The following PTPRD variants were observed in gnomAD, a reference collection of about 807,000 sequenced individuals.
PTPRD encodes receptor-type tyrosine-protein phosphatase delta.
In PTPRD, 34 loss-of-function variants were observed where a neutral mutation model predicts 214.5. That is an observed-to-expected ratio of 0.16 (90% confidence interval 0.12 to 0.21). The LOEUF is 0.21. PTPRD is among the 10% of genes least tolerant of loss of function. The pLI, the probability that PTPRD is intolerant of heterozygous loss-of-function variation, is 1.00. For missense variants in PTPRD, 2,545 were observed against 2,398.7 expected, an observed-to-expected ratio of 1.06 and a Z score of -1.27; for synonymous variants, 1,128 against 845.7, an observed-to-expected ratio of 1.33 and a Z score of -5.79.
At chr9:8,679,482 G>A (rs766624378) in intron 12 of PTPRD, among the ~76,000 whole-genome samples, 1 of 152,042 alleles carries the variant, frequency 6.6e-6, no homozygotes, top group Non-Finnish European at 1.5e-5. Flanking sequence ...ACCACTTGCG[G>A]GTATCTATGA....
At chr9:8,550,610 G>A (rs565968405) in intron 14 of PTPRD, among the ~76,000 whole-genome samples, 54 of 152,248 alleles carry the variant, frequency 3.5e-4, no homozygotes, top group African/African-American at 1.2e-3. Context: ...GGAAAGAGTA[G>A]CAACAAATTA....
At chr9:8,963,379 T>C (rs1008692490) in intron 11 of PTPRD, among the ~76,000 whole-genome samples, 5 of 152,128 alleles carry the variant, frequency 3.3e-5, no homozygotes, top group African/African-American at 1.2e-4. Flanking sequence ...GGTGTTCACA[T>C]AGAGTTACTC....
chr9:9,854,416 G>A (rs909963443), intron 5 of PTPRD, among the ~76,000 whole-genome samples: 7 of 151,760 alleles, frequency 4.6e-5, no homozygotes, highest in African/African-American at 1.7e-4. Flanking sequence ...GTGAGGGTTG[G>A]GAAATATTTA....
intron 2 of PTPRD, among the ~76,000 whole-genome samples, chr9:10,570,850 G>A (rs2067198741): frequency 1.3e-5 from 2 of 151,680 alleles, no homozygotes; most frequent in Admixed American, 6.6e-5. Flanking sequence ...TATTACTGGA[G>A]GCACTCCCAG....
chr9:9,311,547 G>T (rs1959005572), intron 9 of PTPRD, among the ~76,000 whole-genome samples: 1 of 152,018 alleles, frequency 6.6e-6, no homozygotes, highest in Admixed American at 6.6e-5. Context: ...AACCCCTGTT[G>T]CAGAGAAAAT....
At chr9:10,477,262 C>G (rs1455288139) in intron 2 of PTPRD, among the ~76,000 whole-genome samples, 1 of 151,996 alleles carries the variant, frequency 6.6e-6, no homozygotes, top group Non-Finnish European at 1.5e-5. Context: ...CCAGAATCTA[C>G]AAGGAACTTA....
intron 8 of PTPRD, among the ~76,000 whole-genome samples, chr9:9,426,506 C>T (rs1029500012): frequency 3.3e-5 from 5 of 152,168 alleles, no homozygotes; most frequent in Non-Finnish European, 5.9e-5. Flanking sequence ...ACAAAAGGAG[C>T]AGAAACTTCT....
chr9:9,726,272 C>G (rs2098089260), intron 7 of PTPRD, among the ~76,000 whole-genome samples: 1 of 152,210 alleles, frequency 6.6e-6, no homozygotes, highest in Admixed American at 6.5e-5. Flanking sequence ...GGCATGCACA[C>G]ATTCCAAGCA....
chr9:10,382,060 T>C (rs2097837371), intron 2 of PTPRD, among the ~76,000 whole-genome samples: 1 of 151,906 alleles, frequency 6.6e-6, no homozygotes, highest in East Asian at 1.9e-4. Flanking sequence ...ATCCAGTAAG[T>C]CGTCTAATGT....
At chr9:9,128,360 T>C (rs920460591) in intron 10 of PTPRD, among the ~76,000 whole-genome samples, 2 of 152,202 alleles carry the variant, frequency 1.3e-5, no homozygotes, top group South Asian at 2.1e-4. Flanking sequence ...CACATATACA[T>C]GCACATACTG....
At chr9:10,092,117 A>C (rs2098438081) in intron 3 of PTPRD, among the ~76,000 whole-genome samples, 1 of 151,444 alleles carries the variant, frequency 6.6e-6, no homozygotes, top group Non-Finnish European at 1.5e-5. Flanking sequence ...AACGAGGTAA[A>C]AAGTTGACAG....
chr9:9,645,251 G>C (rs2154368874), intron 7 of PTPRD, among the ~76,000 whole-genome samples: 1 of 152,228 alleles, frequency 6.6e-6, no homozygotes, highest in African/African-American at 2.4e-5. Context: ...AGTTACTTAA[G>C]TCACTGAGTT....
At chr9:9,118,709 T>A (rs1353932135) in intron 10 of PTPRD, among the ~76,000 whole-genome samples, 1 of 152,212 alleles carries the variant, frequency 6.6e-6, no homozygotes, top group Non-Finnish European at 1.5e-5. Flanking sequence ...AGACAGCTGA[T>A]AATTGAACAA....
chr9:9,909,342 T>C (rs980485873), intron 5 of PTPRD, among the ~76,000 whole-genome samples: 35 of 151,572 alleles, frequency 2.3e-4, no homozygotes, highest in African/African-American at 8.2e-4. Context: ...TTACGGCTTT[T>C]CCTATTAATT....
intron 37 of PTPRD, among the ~76,000 whole-genome samples, chr9:8,377,775 G>A (rs987197929): frequency 1.3e-5 from 2 of 152,032 alleles, no homozygotes; most frequent in Non-Finnish European, 2.9e-5. Context: ...ATTATTATTA[G>A]AGACACTAGA....
intron 9 of PTPRD, among the ~76,000 whole-genome samples, chr9:9,200,194 T>C (rs974337811): frequency 6.6e-6 from 1 of 152,138 alleles, no homozygotes; most frequent in Admixed American, 6.5e-5. Context: ...AACAAAACCA[T>C]GAAGAGGAGT....
chr9:9,114,547 G>A (rs2099810390), intron 10 of PTPRD, among the ~76,000 whole-genome samples: 2 of 152,012 alleles, frequency 1.3e-5, no homozygotes, highest in Non-Finnish European at 2.9e-5. Context: ...CATGAATATT[G>A]ACATTCTCCT....
At chr9:8,713,779 C>T (rs991490902) in intron 12 of PTPRD, 11 of 1,535,740 alleles carry the variant, frequency 7.2e-6, no homozygotes, top group Admixed American at 3.6e-5. Flanking sequence ...GCTGCCCCAC[C>T]GGGTCCTGCG....
At chr9:9,228,809 C>T (rs984062275) in intron 9 of PTPRD, among the ~76,000 whole-genome samples, 2 of 152,052 alleles carry the variant, frequency 1.3e-5, no homozygotes, top group East Asian at 1.9e-4. Context: ...GTCTTGCCTT[C>T]GTTTTTTGTT....
Sources: gnomAD v4.1 joint callset for allele counts (sites outside exome capture counted in the v4.1 genomes callset) on GRCh38, gnomAD v4.1.1 for gene constraint, MANE v1.5 for transcripts, NCBI Gene and HGNC (gene_info 2026-07-23, HGNC 2026-07-21) for gene names.